HEATR5A: variants seen among roughly 807,000 people sequenced by gnomAD.
HEATR5A encodes the protein HEAT repeat containing 5A, also known as HEAT repeat-containing protein 5A.
HEATR5A carries 178 observed loss-of-function variants against 218.8 expected under a neutral mutation model. That is an observed-to-expected ratio of 0.81 (90% confidence interval 0.72 to 0.92). HEATR5A has a LOEUF of 0.92. Ranked by LOEUF, HEATR5A falls within the 40% of genes least tolerant of loss-of-function variation. The pLI is 0.00. For missense variants in HEATR5A, 2,420 were observed against 2,418.9 expected (o/e 1.00, Z -0.01); for synonymous variants, 864 against 871.6 (o/e 0.99, Z 0.15).
At chr14:31,407,813 A>T (rs967928155) in intron 1 of HEATR5A, among the ~76,000 whole-genome samples, 1 of 152,116 alleles carries the variant, frequency 6.6e-6, no homozygotes, top group African/African-American at 2.4e-5. Context: ...TTTTTAGTAG[A>T]GACAGGGTTT....
chr14:31,351,068 A>G (rs1376327953), intron 16 of HEATR5A, among the ~76,000 whole-genome samples: 1 of 152,230 alleles, frequency 6.6e-6, no homozygotes, highest in East Asian at 1.9e-4. Flanking sequence ...GGTGTGAACC[A>G]CTGCCCCTGG....
At chr14:31,407,993 A>G (rs1408958486) in intron 1 of HEATR5A, among the ~76,000 whole-genome samples, 1 of 152,226 alleles carries the variant, frequency 6.6e-6, no homozygotes, top group African/African-American at 2.4e-5. Context: ...CAAACATTGT[A>G]TGTGCTTACC....
At position 31,312,864 on chromosome 14, in the gene HEATR5A, C is replaced by T. The variant is rs1899801035; in HGVS notation, c.4441+104G>A. 1.3e-5 allele frequency: 13 copies of T among 987,424 alleles called. No homozygotes were observed. In the South Asian group the frequency reaches 1.8e-4, roughly 14 times the overall value. 61.2% of individuals were successfully genotyped at this position (987,424 alleles called of 1,614,324 possible). A position where few individuals can be genotyped will look rare whatever the true frequency, so the allele number is the denominator to read the frequency against. On this transcript the variant is annotated intron_variant, in intron 28 of 35. Transcript: ENST00000543095. Reference sequence around the variant, plus strand: ...AGTGAGCCAAAATTGCACCATGGCACTCCAGCCTGGGAAACAAAGTAAGAC... The same window carrying T: ...AGTGAGCCAAAATTGCACCATGGCATTCCAGCCTGGGAAACAAAGTAAGAC...
chr14:31,393,979 C>A, intron 6 of HEATR5A, 73 bp downstream of exon 6: 1 of 987,482 alleles, frequency 1.0e-6, no homozygotes, highest in Middle Eastern at 2.3e-4. Flanking sequence ...AGCAATAACA[C>A]TATACATATT....
At chr14:31,313,259 T>C (rs935568013) in intron 27 of HEATR5A, 69 bp from the exon 28 acceptor site, 4 of 1,208,932 alleles carry the variant, frequency 3.3e-6, no homozygotes, top group Non-Finnish European at 4.8e-6. Flanking sequence ...AATTTTTATA[T>C]CTTCCTGAAG....
chr14:31,334,356 G>A lies in HEATR5A; in HGVS notation c.3367+3120C>T, dbSNP rs146274574. ...TTATAAGGCTACAGCTGCCACAGACGGATGGATCCAGGCAAAGTAACTGAA... is the reference window on the plus strand; with the variant it reads ...TTATAAGGCTACAGCTGCCACAGACAGATGGATCCAGGCAAAGTAACTGAA... On this transcript the variant is annotated intron_variant, in intron 22 of 35. Coordinates refer to ENST00000543095, the MANE Select transcript of HEATR5A (RefSeq NM_015473.4). 2,109 of 452,906 alleles carry A rather than the reference G, an allele frequency of 4.7e-3. 34 individuals are homozygous for A. The highest frequency in any genetic ancestry group is 0.038 in the African/African-American group (1,879 of 50,050). 28.1% of individuals were successfully genotyped at this position (452,906 alleles called of 1,614,324 possible).
intron 16 of HEATR5A, among the ~76,000 whole-genome samples, chr14:31,352,046 A>G (rs1237354041): frequency 6.6e-6 from 1 of 152,202 alleles, no homozygotes; most frequent in African/African-American, 2.4e-5. Context: ...AAATACACAC[A>G]ATATTTCATG....
At chr14:31,411,272 T>A (rs1354339129) in intron 1 of HEATR5A, among the ~76,000 whole-genome samples, 2 of 152,126 alleles carry the variant, frequency 1.3e-5, no homozygotes, top group Non-Finnish European at 2.9e-5. Context: ...AGCACTGTAA[T>A]TAACTGTAAT....
At chr14:31,338,015 C>T (rs1036009311) in intron 21 of HEATR5A, among the ~76,000 whole-genome samples, 10 of 152,162 alleles carry the variant, frequency 6.6e-5, no homozygotes, top group African/African-American at 2.4e-4. Context: ...AATTTATACA[C>T]ATCCATATAG....
chr14:31,337,725 C>T, intron 21 of HEATR5A, 111 bp from the exon 22 acceptor site: 1 of 828,042 alleles, frequency 1.2e-6, no homozygotes, highest in Non-Finnish European at 1.9e-6. Flanking sequence ...CATCAGTGGG[C>T]TGGACACAAT....
intron 1 of HEATR5A, among the ~76,000 whole-genome samples, chr14:31,411,815 C>T (rs1410982957): frequency 6.6e-6 from 1 of 152,004 alleles, no homozygotes; most frequent in African/African-American, 2.4e-5. Context: ...GACTAGCATA[C>T]GTCAAAAAAA....
At chr14:31,342,329 T>C (rs727671) in intron 21 of HEATR5A, among the ~76,000 whole-genome samples, 41,479 of 152,042 alleles carry the variant, frequency 0.27, 6,990 homozygotes, top group Non-Finnish European at 0.38. Context: ...TCGAGGCTAC[T>C]GTGAGCTATG....
rs571999415 is a variant in HEATR5A at position 31,310,271 on chromosome 14, G to C, written c.4442-1089C>G. ...GTTGGCCCTGAACTCCTGAGCTCAA[G>C]TGACCCTCCCACCTCAGCCTCCTGA... is the stretch of plus-strand genomic sequence containing the variant. On this transcript the variant is annotated intron_variant, in intron 28 of 35. Transcript: ENST00000543095. Among the ~76,000 whole-genome samples, 11 of 152,132 alleles carry C rather than the reference G, an allele frequency of 7.2e-5. No individual in the cohort carries two copies. In the South Asian group the frequency reaches 1.5e-3, roughly 20 times the overall value.
At chr14:31,400,069 A>G (rs1043627857) in intron 3 of HEATR5A, among the ~76,000 whole-genome samples, 4 of 152,220 alleles carry the variant, frequency 2.6e-5, no homozygotes, top group African/African-American at 9.6e-5. Context: ...AATTTTAGGA[A>G]GATGTTTTGA....
intron 25 of HEATR5A, chr14:31,320,079 A>G (rs928395464): frequency 1.2e-4 from 25 of 216,350 alleles, no homozygotes; most frequent in African/African-American, 5.4e-4. Context: ...GAAAGAGGTT[A>G]TATATATTAT....
chr14:31,320,865 C>T (rs1900076181), intron 25 of HEATR5A, among the ~76,000 whole-genome samples: 1 of 152,150 alleles, frequency 6.6e-6, no homozygotes, highest in Admixed American at 6.5e-5. Context: ...GCTGGGACTA[C>T]AGGCATACTG....
In HEATR5A at chr14:31,383,502, T is replaced by C. The variant is rs777070615; in HGVS notation, c.1596+19A>G. ...ACAAAAAGCACCTCATTATCATACATAGAGAATGAAATCATTACCTTGCCT... is the reference window on the plus strand; with the variant it reads ...ACAAAAAGCACCTCATTATCATACACAGAGAATGAAATCATTACCTTGCCT... On this transcript the variant is annotated intron_variant, in intron 10 of 35. Transcript: ENST00000543095. The C allele has an allele frequency of 1.0e-5, 16 of 1,601,024 alleles. No individual in the cohort carries two copies. Among genetic ancestry groups the C allele is most frequent in the East Asian group, 4.5e-5 (2 of 44,668 alleles).
chr14:31,304,224 C>CA (rs1032855628), intron 32 of HEATR5A, among the ~76,000 whole-genome samples: 11 of 151,962 alleles, frequency 7.2e-5, no homozygotes, highest in South Asian at 4.1e-4. Flanking sequence ...AAAACAACAA[C>CA]AAAAAAGAGT....
At chr14:31,370,666 T>C (rs367957204) in intron 13 of HEATR5A, among the ~76,000 whole-genome samples, 2 of 152,136 alleles carry the variant, frequency 1.3e-5, no homozygotes, top group Admixed American at 1.3e-4. Flanking sequence ...AAGCAGAAAA[T>C]TGGAAACAAC....
Sources: gnomAD v4.1 joint callset for allele counts (sites outside exome capture counted in the v4.1 genomes callset) on GRCh38, gnomAD v4.1.1 for gene constraint, MANE v1.5 for transcripts, NCBI Gene and HGNC (gene_info 2026-07-23, HGNC 2026-07-21) for gene names.